Variants in PCDH15 observed in about 807,000 individuals in gnomAD.
The protein encoded by PCDH15 is protocadherin related 15, also known as protocadherin-15.
In PCDH15, 129 loss-of-function variants were observed where a neutral mutation model predicts 178.5. That is an observed-to-expected ratio of 0.72 (90% CI 0.63 to 0.84). The LOEUF is 0.84. Ranked by LOEUF, PCDH15 falls within the 40% of genes least tolerant of loss-of-function variation. The pLI is 0.00. For missense variants in PCDH15, 2,230 were observed against 2,099.9 expected (o/e 1.06, Z -1.21); for synonymous variants, 800 against 732.0 (o/e 1.09, Z -1.50).
At chr10:55,050,357 T>C (rs777271457) in intron 2 of PCDH15, among the ~76,000 whole-genome samples, 3 of 152,006 alleles carry the variant, frequency 2.0e-5, no homozygotes, top group Non-Finnish European at 4.4e-5. Flanking sequence ...CAAAGTACCT[T>C]GTACATTAAA....
At chr10:54,527,914 G>T in intron 2 of PCDH15, 37 bp from the exon 3 acceptor site, 1 of 1,524,592 alleles carries the variant, frequency 6.6e-7, no homozygotes, top group Non-Finnish European at 9.1e-7. Context: ...ATAATTGACT[G>T]CAGGGGCACA....
At chr10:55,474,283 C>A (rs1043275032) in intron 2 of PCDH15, among the ~76,000 whole-genome samples, 1 of 152,148 alleles carries the variant, frequency 6.6e-6, no homozygotes, top group Non-Finnish European at 1.5e-5. Context: ...GTACATTACA[C>A]TGAATGGAAG....
At chr10:55,131,772 T>A (rs966001046) in intron 2 of PCDH15, among the ~76,000 whole-genome samples, 12 of 151,934 alleles carry the variant, frequency 7.9e-5, no homozygotes, top group Non-Finnish European at 1.5e-5. Flanking sequence ...GACTTTGTGG[T>A]TTTTATGGGC....
chr10:54,370,232 C>T (rs1186190040), intron 4 of PCDH15, among the ~76,000 whole-genome samples: 1 of 151,838 alleles, frequency 6.6e-6, no homozygotes, highest in Non-Finnish European at 1.5e-5. Flanking sequence ...TGATTTTTAA[C>T]CCCTTTTGAG....
chr10:54,845,138 T>C (rs1389706486), intron 3 of PCDH15, among the ~76,000 whole-genome samples: 1 of 151,616 alleles, frequency 6.6e-6, no homozygotes. Context: ...TTCTTTTTTC[T>C]TTTTTTTGCA....
chr10:55,283,326 A>G (rs1842781302), intron 1 of PCDH15, among the ~76,000 whole-genome samples: 1 of 151,954 alleles, frequency 6.6e-6, no homozygotes, highest in Non-Finnish European at 1.5e-5. Context: ...ATCAACCAGC[A>G]CCCTTGACTA....
intron 2 of PCDH15, among the ~76,000 whole-genome samples, chr10:55,546,795 T>G (rs1841891113): frequency 1.3e-5 from 2 of 152,130 alleles, no homozygotes; most frequent in African/African-American, 4.8e-5. Context: ...GTCACTAGAA[T>G]ACAGCAGAAG....
At position 54,749,100 on chromosome 10, in the gene PCDH15, T is replaced by C. The variant is rs529175013; in HGVS notation, c.-29+51825A>G. ...TAACATAATAAACCTGATAGTGCTG[T>C]AGGAAGAAAGACCTAGTTAGGTGTG... On this transcript the variant is annotated intron_variant, in intron 1 of 37. Transcript: ENST00000644397. Among the ~76,000 whole-genome samples, 3 of 152,184 alleles carry C rather than the reference T, an allele frequency of 2.0e-5. No homozygotes were observed. The East Asian group carries it at 5.8e-4, about 30-fold the overall frequency.
At chr10:55,466,578 A>G (rs1326364331) in intron 2 of PCDH15, among the ~76,000 whole-genome samples, 1 of 152,180 alleles carries the variant, frequency 6.6e-6, no homozygotes, top group Admixed American at 6.5e-5. Context: ...CTCAAGTTAT[A>G]CAGCTAATCC....
chr10:54,752,018 G>A (rs986041956), intron 1 of PCDH15, among the ~76,000 whole-genome samples: 5 of 152,034 alleles, frequency 3.3e-5, no homozygotes, highest in Admixed American at 1.3e-4. Context: ...GTTTTATTGT[G>A]AAAATGTTAT....
intron 2 of PCDH15, among the ~76,000 whole-genome samples, chr10:55,374,442 C>T (rs2131993225): frequency 6.6e-6 from 1 of 152,164 alleles, no homozygotes; most frequent in East Asian, 1.9e-4. Flanking sequence ...TCCTTGAGGA[C>T]TCCATTACCA....
At chr10:55,341,696 A>C (rs1213650304) in intron 2 of PCDH15, among the ~76,000 whole-genome samples, 1 of 140,104 alleles carries the variant, frequency 7.1e-6, no homozygotes, top group Non-Finnish European at 1.5e-5. Context: ...CAGCCTCCCG[A>C]GTAGCTGGGA....
intron 1 of PCDH15, among the ~76,000 whole-genome samples, chr10:54,666,277 T>A (rs1037315581): frequency 4.6e-5 from 7 of 152,034 alleles, no homozygotes; most frequent in Non-Finnish European, 1.0e-4. Context: ...GATATTATTA[T>A]CCCCATTTTG....
intron 2 of PCDH15, among the ~76,000 whole-genome samples, chr10:54,613,504 TAC>T (rs367744959): frequency 0.016 from 2,369 of 148,208 alleles, 20 homozygotes; most frequent in South Asian, 0.022. Context: ...CACACACACA[TAC>T]ACACACACAC....
chr10:54,242,281 T>C (rs910847962), intron 8 of PCDH15, among the ~76,000 whole-genome samples: 2 of 149,694 alleles, frequency 1.3e-5, no homozygotes, highest in Non-Finnish European at 3.0e-5. Flanking sequence ...GTAGATTTAA[T>C]AAAATCTCAG....
At chr10:54,797,407 C>A (rs982052006) in intron 1 of PCDH15, among the ~76,000 whole-genome samples, 1 of 151,684 alleles carries the variant, frequency 6.6e-6, no homozygotes, top group African/African-American at 2.4e-5. Context: ...TGAATGCAAC[C>A]TTTAAACAAG....
intron 18 of PCDH15, among the ~76,000 whole-genome samples, chr10:54,038,053 A>C (rs1341714794): frequency 6.6e-6 from 1 of 151,922 alleles, no homozygotes; most frequent in Non-Finnish European, 1.5e-5. Flanking sequence ...ACATAGAAGG[A>C]ATAAGACAGT....
Position 53,831,415 on chromosome 10 carries a change from C to A in PCDH15, c.4102G>T (p.Glu1368Ter), listed in dbSNP as rs779165268. Reference protein sequence around the residue: ...EAVTSIKKRGESLGYTEGALL... With the variant: ...EAVTSIKKRG Reference sequence around the variant, plus strand: ...GCCCCTTCTGTGTATCCTAGACTTTCTCCTCTCTTTTTAATGCTGGTCACT... The same window carrying A: ...GCCCCTTCTGTGTATCCTAGACTTTATCCTCTCTTTTTAATGCTGGTCACT... The change falls in exon 30 of 38, where the codon GAA becomes TAA. Residue 1368 changes from glutamate to a stop codon, truncating the protein, a stop_gained. Coordinates refer to ENST00000644397, the MANE Select transcript of PCDH15 (RefSeq NM_001384140.1). LOFTEE classifies it high-confidence loss of function. 4 of 1,613,996 alleles carry A rather than the reference C, an allele frequency of 2.5e-6. No individual in the cohort carries two copies. In the African/African-American group the frequency reaches 5.3e-5, roughly 22 times the overall value.
At chr10:54,166,549 G>C (rs985733847) in intron 13 of PCDH15, among the ~76,000 whole-genome samples, 1 of 152,040 alleles carries the variant, frequency 6.6e-6, no homozygotes, top group African/African-American at 2.4e-5. Flanking sequence ...AGTTTACTAG[G>C]GTTTTAAGAA....
Sources: allele counts gnomAD v4.1 joint callset (sites outside exome capture counted in the v4.1 genomes callset), GRCh38; gene constraint gnomAD v4.1.1; transcripts MANE v1.5; gene names NCBI Gene and HGNC (gene_info 2026-07-23, HGNC 2026-07-21).